The following SH3TC2 variants were observed in gnomAD, a reference collection of about 807,000 sequenced individuals.
The protein encoded by SH3TC2 is SH3 domain and tetratricopeptide repeats 2.
Under a neutral mutation model 124.5 loss-of-function variants are expected in SH3TC2, and 87 were observed. That is an observed-to-expected ratio of 0.70 (90% CI 0.59 to 0.84). SH3TC2 has a LOEUF of 0.84. SH3TC2 is among the 40% of genes least tolerant of loss of function. SH3TC2 has a pLI of 0.00. For missense variants in SH3TC2, 1,536 were observed against 1,566.4 expected, an observed-to-expected ratio of 0.98 and a Z score of 0.33; for synonymous variants, 634 against 628.5, an observed-to-expected ratio of 1.01 and a Z score of -0.13.
In SH3TC2 at chr5:148,984,779, A is replaced by G. The variant is rs1753307747; in HGVS notation, c.*19932T>C. On this transcript the variant is annotated 3_prime_UTR_variant, in exon 17 of 17. Coordinates refer to ENST00000515425, the MANE Select transcript of SH3TC2 (RefSeq NM_024577.4). The stretch of plus-strand genomic sequence containing the variant: ...ATTTGTTCCCAGTATCTGACCTAAG[A>G]GAACTTATACTCAGAAGGAGGCATC... Among the ~76,000 whole-genome samples, 2 of 152,178 alleles carry G rather than the reference A, an allele frequency of 1.3e-5. No homozygotes were observed. Among genetic ancestry groups the G allele is most frequent in the South Asian group, 2.1e-4 (1 of 4,828 alleles).
intron 12 of SH3TC2, among the ~76,000 whole-genome samples, chr5:149,014,025 G>A (rs754257529): frequency 6.6e-6 from 1 of 152,114 alleles, no homozygotes; most frequent in Non-Finnish European, 1.5e-5. Context: ...ATTTTATAGA[G>A]GAAACAAGCC....
chr5:149,046,818 C>T (rs1284289889), intron 3 of SH3TC2: 2 of 152,042 alleles, frequency 1.3e-5, no homozygotes, highest in African/African-American at 2.4e-5. Context: ...TTCCTGAATT[C>T]CAGATATTAA....
chr5:149,035,195 T>C (rs538447282), intron 8 of SH3TC2, among the ~76,000 whole-genome samples: 1 of 152,228 alleles, frequency 6.6e-6, no homozygotes, highest in South Asian at 2.1e-4. Flanking sequence ...ACACAGGCAA[T>C]ATGAAGAATA....
At chr5:149,024,279 T>C (rs542225424) in intron 12 of SH3TC2, among the ~76,000 whole-genome samples, 42 of 152,320 alleles carry the variant, frequency 2.8e-4, no homozygotes, top group African/African-American at 9.6e-4. Flanking sequence ...TAAGTTACTC[T>C]CTAATGACTT....
chr5:149,033,919 T>A lies in SH3TC2; in HGVS notation c.1002-2232A>T, dbSNP rs180715161. 2.6e-3 allele frequency among the ~76,000 whole-genome samples: 401 copies of A among 152,302 alleles called. 1 individual carries two copies. Among genetic ancestry groups the A allele is most frequent in the African/African-American group, 9.3e-3 (386 of 41,566 alleles). On this transcript the variant is annotated intron_variant, in intron 8 of 16. Transcript: ENST00000515425. ...GGTTTTCTTCAGTCCAGGATCCATA[T>A]AAAACCCATCTTTTAAAATGTTGAA...
intron 1 of SH3TC2, among the ~76,000 whole-genome samples, chr5:149,058,128 G>A (rs368051092): frequency 5.9e-5 from 9 of 152,158 alleles, no homozygotes; most frequent in East Asian, 3.9e-4. Context: ...AGCAATATCT[G>A]AAGAAAAAAA....
Position 149,010,398 on chromosome 5 carries a change from T to G in SH3TC2, c.3205-6A>C, listed in dbSNP as rs1039117609. 2 of 1,613,542 alleles carry G rather than the reference T, an allele frequency of 1.2e-6. No individual in the cohort carries two copies. The highest frequency in any genetic ancestry group is 2.7e-5 in the African/African-American group (2 of 74,850). Reference sequence around the variant, plus strand: ...AGGGCTGTCTGGATGGCTGCCTAGGTGGGACAGAGACAGCTGTTAAAGGCA... The same window carrying G: ...AGGGCTGTCTGGATGGCTGCCTAGGGGGGACAGAGACAGCTGTTAAAGGCA... On this transcript the variant is annotated splice_region_variant and splice_polypyrimidine_tract_variant and intron_variant, in intron 13 of 16. Coordinates refer to ENST00000515425, the MANE Select transcript of SH3TC2 (RefSeq NM_024577.4).
intron 14 of SH3TC2, among the ~76,000 whole-genome samples, chr5:149,009,550 G>C (rs1716969875): frequency 1.3e-5 from 2 of 152,196 alleles, no homozygotes; most frequent in Admixed American, 1.3e-4. Context: ...GCCTGGCACA[G>C]ACTGGGTATT....
In SH3TC2 at chr5:149,040,463, C is replaced by T. The variant is rs777475615; in HGVS notation, c.805+141G>A. ...AGGCAGGGAAAACCATGTGCACAGACAGAAACTGGCTTCCCTAAATCCAGT... is the reference window on the plus strand; with the variant it reads ...AGGCAGGGAAAACCATGTGCACAGATAGAAACTGGCTTCCCTAAATCCAGT... On this transcript the variant is annotated intron_variant, in intron 7 of 16. Coordinates refer to ENST00000515425, the MANE Select transcript of SH3TC2 (RefSeq NM_024577.4). The T allele has an allele frequency of 4.8e-4, 366 of 769,042 alleles. 1 individual carries two copies. The highest frequency in any genetic ancestry group is 7.7e-4 in the Non-Finnish European group (337 of 439,444). 47.6% of individuals were successfully genotyped at this position (769,042 alleles called of 1,614,324 possible).
rs1042653620 is a variant in SH3TC2, at chr5:148,987,332, G to GT, written c.*17378dup. The stretch of plus-strand genomic sequence containing the variant: ...TGCCAAGAGGACAAGAACTTTATAA[G>GT]TTTTTTTCATTGATCTATTGCTACA... On this transcript the variant is annotated 3_prime_UTR_variant, in exon 17 of 17. Transcript: ENST00000515425. Among the ~76,000 whole-genome samples, 12 of 152,190 alleles carry GT rather than the reference G, an allele frequency of 7.9e-5. No individual in the cohort carries two copies. Among genetic ancestry groups the GT allele is most frequent in the African/African-American group, 2.9e-4 (12 of 41,448 alleles).
Position 148,985,979 on chromosome 5 carries a change from A to G in SH3TC2, c.*18732T>C, listed in dbSNP as rs1753326379. On this transcript the variant is annotated 3_prime_UTR_variant, in exon 17 of 17. Transcript: ENST00000515425. ...CGATCATTTTTCTGACATGAGACTT[A>G]CAGAGTATCATCTCTAGGGTGATTT... 6.6e-6 allele frequency among the ~76,000 whole-genome samples: 1 copy of G among 152,238 alleles called. No homozygotes were observed. Among genetic ancestry groups the G allele is most frequent in the African/African-American group, 2.4e-5 (1 of 41,464 alleles).
rs1753633074 is a variant in SH3TC2, at chr5:149,003,700, G to A, written c.*1011C>T. 1 of 392,982 alleles carries A rather than the reference G, an allele frequency of 2.5e-6. No individual in the cohort carries two copies. The highest frequency in any genetic ancestry group is 2.1e-5 in the African/African-American group (1 of 47,214). The allele number at this position is 392,982 out of a possible 1,614,324, so 24.3% of individuals were successfully genotyped here. ...GCAGCTGCCCTGAAATCAATAAGAT[G>A]CCTTGTAGTTGGGTATGGCACATGC... On this transcript the variant is annotated 3_prime_UTR_variant, in exon 17 of 17. Coordinates refer to ENST00000515425, the MANE Select transcript of SH3TC2 (RefSeq NM_024577.4).
At position 149,062,967 on chromosome 5, in the gene SH3TC2, T is replaced by C. The variant is rs1170747720; in HGVS notation, c.52+4A>G. The C allele has an allele frequency of 6.3e-6, 10 of 1,588,378 alleles. No homozygotes were observed. Among genetic ancestry groups the C allele is most frequent in the Non-Finnish European group, 8.6e-6 (10 of 1,166,394 alleles). ...ACAGGCCAAGGGCCCCCTGGGAAAC[T>C]CACCTGGGCCCCGGGTCAGACTCCG... On this transcript the variant is annotated splice_donor_region_variant and intron_variant, in intron 1 of 16. Coordinates refer to ENST00000515425, the MANE Select transcript of SH3TC2 (RefSeq NM_024577.4).
rs146033368 is a variant in SH3TC2 at position 149,037,568 on chromosome 5, G to A, written c.1001+727C>T. 3.3e-5 allele frequency among the ~76,000 whole-genome samples: 5 copies of A among 152,164 alleles called. 1 individual carries two copies. The highest frequency in any genetic ancestry group is 1.9e-4 in the East Asian group (1 of 5,168). ...GGGCCACATTTTCCCAGTGTAGGGC[G>A]CTATGTTGTGTCAGTGTTAGGAGCC... On this transcript the variant is annotated intron_variant, in intron 8 of 16. Transcript: ENST00000515425.
intron 1 of SH3TC2, among the ~76,000 whole-genome samples, chr5:149,056,102 A>G (rs971721541): frequency 1.9e-4 from 29 of 150,946 alleles, no homozygotes; most frequent in African/African-American, 7.0e-4. Flanking sequence ...TGACCTCAAC[A>G]TTCTTTTTTT....
Position 148,982,682 on chromosome 5 carries a change from A to T in SH3TC2, c.*22029T>A, listed in dbSNP as rs1306933855. On this transcript the variant is annotated 3_prime_UTR_variant, in exon 17 of 17. Coordinates refer to ENST00000515425, the MANE Select transcript of SH3TC2 (RefSeq NM_024577.4). ...GCTATAATATTTAAAATGGCGGGAG[A>T]GTATGTCACTGAATTGTTTTTATAC... Among the ~76,000 whole-genome samples the T allele has an allele frequency of 6.6e-6, 1 of 152,196 alleles. No homozygotes were observed. Among genetic ancestry groups the T allele is most frequent in the Non-Finnish European group, 1.5e-5 (1 of 68,026 alleles).
In SH3TC2 at chr5:148,996,454, C is replaced by G. The variant is rs569538283; in HGVS notation, c.*8257G>C. On this transcript the variant is annotated 3_prime_UTR_variant, in exon 17 of 17. Transcript: ENST00000515425. ...GTTTGCTATCCTTTCCCTCCACCCA[C>G]TACAGCCCCAAAGCTACATGTTCTA... Among the ~76,000 whole-genome samples the G allele has an allele frequency of 1.3e-5, 2 of 152,208 alleles. No individual in the cohort carries two copies. The highest frequency in any genetic ancestry group is 2.1e-4 in the South Asian group (1 of 4,834).
rs1360529856 is a variant in SH3TC2 at position 149,026,567 on chromosome 5, C to T, written c.3053+5G>A. 6.2e-7 allele frequency: 1 copy of T among 1,613,738 alleles called. No homozygotes were observed. The highest frequency in any genetic ancestry group is 2.2e-5 in the East Asian group (1 of 44,874). On this transcript the variant is annotated splice_donor_5th_base_variant and intron_variant, in intron 12 of 16. Transcript: ENST00000515425. ...CTTCTAGGACAGTTCCTGACCCTGA[C>T]TCACCTGGCGGTATTTAGGTTCCGA...
In SH3TC2 at chr5:149,008,570, A is replaced by T. The variant is rs1245777863; in HGVS notation, c.3478+281T>A. On this transcript the variant is annotated intron_variant, in intron 15 of 16. Coordinates refer to ENST00000515425, the MANE Select transcript of SH3TC2 (RefSeq NM_024577.4). ...CACAGGCAACACTTACCAAGGACTT[A>T]CCATGTACCCAGGATTGTGCTATGG... 9 of 514,644 alleles carry T rather than the reference A, an allele frequency of 1.7e-5. No homozygotes were observed. The Admixed American group carries it at 2.9e-4, about 16-fold the overall frequency. 31.9% of individuals were successfully genotyped at this position (514,644 alleles called of 1,614,324 possible). A position where few individuals can be genotyped will look rare whatever the true frequency, so the allele number is the denominator to read the frequency against.
Sources: gnomAD v4.1 joint callset for allele counts (sites outside exome capture counted in the v4.1 genomes callset) on GRCh38, gnomAD v4.1.1 for gene constraint, MANE v1.5 for transcripts, NCBI Gene and HGNC (gene_info 2026-07-23, HGNC 2026-07-21) for gene names.